Variants in MTMR10 observed in about 807,000 individuals in gnomAD.
MTMR10 encodes the protein myotubularin related protein 10.
A neutral mutation model predicts 88.1 loss-of-function variants in MTMR10; 56 were observed. That is an observed-to-expected ratio of 0.64 (90% CI 0.51 to 0.79). The LOEUF is 0.79. Ranked by LOEUF, MTMR10 falls within the 30% of genes least tolerant of loss-of-function variation. MTMR10 has a pLI of 0.00. For synonymous variants in MTMR10, 380 were observed against 340.9 expected (o/e 1.11, Z -1.26); for missense variants, 883 against 924.7 (o/e 0.95, Z 0.58).
the MTMR10 span, chr15:30,929,373 C>T: frequency 1.3e-5 from 21 of 1,606,824 alleles, no homozygotes; most frequent in Non-Finnish European, 1.8e-5. Flanking sequence ...GCTGGGATCG[C>T]TTCACGTCTC....
At chr15:30,978,985 C>A (rs2030361052) in intron 2 of MTMR10, among the ~76,000 whole-genome samples, 1 of 152,068 alleles carries the variant, frequency 6.6e-6, no homozygotes, top group Non-Finnish European at 1.5e-5. Context: ...CTCACCAATT[C>A]CCATATCAGA....
chr15:30,978,752 C>G (rs2030342892), intron 2 of MTMR10, among the ~76,000 whole-genome samples: 1 of 152,128 alleles, frequency 6.6e-6, no homozygotes, highest in Admixed American at 6.5e-5. Flanking sequence ...CACTTATAAC[C>G]AAGTGTTCTG....
the MTMR10 span, chr15:30,929,130 G>A: frequency 7.4e-7 from 1 of 1,349,490 alleles, no homozygotes; most frequent in Non-Finnish European, 1.0e-6. Flanking sequence ...AGTTTTGTAT[G>A]TACTGACTAG....
intron 2 of MTMR10, among the ~76,000 whole-genome samples, chr15:30,986,437 T>C (rs2030942800): frequency 6.6e-6 from 1 of 151,882 alleles, no homozygotes; most frequent in Non-Finnish European, 1.5e-5. Context: ...AGGTTCTAGT[T>C]TAGATTCCAA....
intron 5 of MTMR10, among the ~76,000 whole-genome samples, chr15:30,971,039 T>C (rs1033618304): frequency 3.3e-5 from 5 of 152,102 alleles, no homozygotes; most frequent in Admixed American, 6.6e-5. Context: ...TGTACCTGGA[T>C]TGTCTTCATG....
At chr15:30,988,093 C>T (rs1489546875) in intron 2 of MTMR10, among the ~76,000 whole-genome samples, 1 of 152,206 alleles carries the variant, frequency 6.6e-6, no homozygotes, top group Non-Finnish European at 1.5e-5. Flanking sequence ...TAACTTTCCA[C>T]TTGTCTTCCA....
the MTMR10 span, among the ~76,000 whole-genome samples, chr15:30,931,724 T>C: frequency 6.6e-6 from 1 of 152,188 alleles, no homozygotes; most frequent in Non-Finnish European, 1.5e-5. Context: ...CAAAAATCAG[T>C]AACCCATATA....
intron 12 of MTMR10, 31 bp from the exon 13 acceptor site, chr15:30,948,502 A>C (rs1339206936): frequency 6.4e-7 from 1 of 1,560,894 alleles, no homozygotes; most frequent in African/African-American, 1.4e-5. Flanking sequence ...AAATGATTAC[A>C]ACATAGAAAA....
intron 9 of MTMR10, among the ~76,000 whole-genome samples, chr15:30,955,477 G>A (rs375593886): frequency 1.7e-3 from 252 of 152,180 alleles, no homozygotes; most frequent in Middle Eastern, 3.4e-3. Context: ...TCACCATGTT[G>A]GCCAGGCTGG....
At chr15:30,928,355 T>C in the MTMR10 span, 34 of 1,339,502 alleles carry the variant, frequency 2.5e-5, no homozygotes, top group South Asian at 6.7e-4. Flanking sequence ...CCCTTAAGGC[T>C]CTGTATATAA....
intron 5 of MTMR10, 93 bp downstream of exon 5, chr15:30,974,221 T>C (rs2029932393): frequency 1.7e-6 from 2 of 1,168,310 alleles, no homozygotes; most frequent in Non-Finnish European, 2.2e-6. Flanking sequence ...CTAAAAAACA[T>C]CTGAGCAATT....
rs551193488 is a variant in MTMR10, at chr15:30,951,879, C to T, written c.1207+89G>A. 6.3e-5 allele frequency: 70 copies of T among 1,112,768 alleles called. No individual in the cohort carries two copies. In the South Asian group the frequency reaches 8.2e-4, roughly 13 times the overall value. 68.9% of individuals were successfully genotyped at this position (1,112,768 alleles called of 1,614,324 possible). On this transcript the variant is annotated intron_variant, in intron 12 of 15. Transcript: ENST00000435680. The stretch of plus-strand genomic sequence containing the variant: ...TGTAGTAAATAAGAAATAGCTAAAA[C>T]TGATGTGATTTACTTGAATGGGGAC...
the MTMR10 span, among the ~76,000 whole-genome samples, chr15:30,933,745 TTTC>T: frequency 4.8e-5 from 7 of 147,124 alleles, no homozygotes; most frequent in East Asian, 1.4e-3. Context: ...AATTGTGGTA[TTTC>T]TTTTCTTTTT....
chr15:30,940,798 A>G lies in MTMR10; in HGVS notation c.*672T>C, dbSNP rs1263020799. On this transcript the variant is annotated 3_prime_UTR_variant, in exon 16 of 16. Coordinates refer to ENST00000435680, the MANE Select transcript of MTMR10 (RefSeq NM_017762.3). ...AAGTGAAATTATATTTTCTTCTGTA[A>G]TATTTGTATCCTAAAGTCAAAGGCA... is the stretch of plus-strand genomic sequence containing the variant. The G allele has an allele frequency of 6.1e-6, 6 of 985,940 alleles. No individual in the cohort carries two copies. In the South Asian group the frequency reaches 2.8e-4, roughly 46 times the overall value. 61.1% of individuals were successfully genotyped at this position (985,940 alleles called of 1,614,324 possible).
chr15:30,948,290 A>G lies in MTMR10; in HGVS notation c.1377+12T>C. 6.2e-7 allele frequency: 1 copy of G among 1,603,366 alleles called. No individual in the cohort carries two copies. Among genetic ancestry groups the G allele is most frequent in the Admixed American group, 1.8e-5 (1 of 56,786 alleles). ...CTTAAAGACTGATAAAAAGGCATCA[A>G]GATTTTGTTACCTCTTTCTCTGATC... On this transcript the variant is annotated intron_variant, in intron 13 of 15. Coordinates refer to ENST00000435680, the MANE Select transcript of MTMR10 (RefSeq NM_017762.3).
intron 7 of MTMR10, 56 bp downstream of exon 7, chr15:30,960,825 T>C: frequency 1.4e-6 from 2 of 1,438,100 alleles, no homozygotes; most frequent in Non-Finnish European, 1.8e-6. Context: ...AGTTTGATGA[T>C]TATTCATAGG....
At position 30,976,927 on chromosome 15, in the gene MTMR10, A is replaced by C. The variant is rs967712298; in HGVS notation, c.150T>G (p.Phe50Leu). Residue 50 changes from phenylalanine (F) to leucine (L), a missense_variant, in exon 3 of 16, where the codon TTT becomes TTG. Phe to Leu is a conservative substitution (Grantham distance 22, BLOSUM62 0). Around this residue, in one of 3 missense-constraint regions of MTMR10, gnomAD observed 414 missense variants for 423.2 expected, o/e 0.98. Coordinates refer to ENST00000435680, the MANE Select transcript of MTMR10 (RefSeq NM_017762.3). ...PGEIVVNEVNFVRKCIATDTS... is the reference protein window; with the variant it reads ...PGEIVVNEVNLVRKCIATDTS... ...TGTCTGTTGCAATGCATTTTCTCAC[A>C]AAATTGACTTCATTTACGACAATTT... 1.9e-6 allele frequency: 3 copies of C among 1,613,494 alleles called. No homozygotes were observed. Among genetic ancestry groups the C allele is most frequent in the Non-Finnish European group, 2.5e-6 (3 of 1,179,738 alleles).
At chr15:30,987,890 G>A (rs12906480) in intron 2 of MTMR10, among the ~76,000 whole-genome samples, 1 of 141,348 alleles carries the variant, frequency 7.1e-6, no homozygotes, top group Non-Finnish European at 1.5e-5. Flanking sequence ...ACCCCCGACA[G>A]GCCCCGGTGT....
At chr15:30,931,988 A>C in the MTMR10 span, among the ~76,000 whole-genome samples, 1 of 151,372 alleles carries the variant, frequency 6.6e-6, no homozygotes, top group African/African-American at 2.4e-5. Flanking sequence ...TTTGGGAGAC[A>C]GAGGTGGGCG....
Sources: allele counts gnomAD v4.1 joint callset (sites outside exome capture counted in the v4.1 genomes callset), GRCh38; gene constraint gnomAD v4.1.1; regional missense constraint gnomAD v4.1.1; transcripts MANE v1.5; gene names NCBI Gene and HGNC (gene_info 2026-07-23, HGNC 2026-07-21).